Variants in NRG1 observed in about 807,000 individuals in gnomAD.
NRG1 encodes the protein neuregulin 1.
A neutral mutation model predicts 63.8 loss-of-function variants in NRG1; 18 were observed. The ratio of observed to expected loss-of-function variants is 0.28; its 90% CI spans 0.19 to 0.42. NRG1 has a LOEUF of 0.42. NRG1 is among the 10% of genes least tolerant of loss of function. NRG1 has a pLI of 1.00. For missense variants in NRG1, 762 were observed against 814.7 expected, an observed-to-expected ratio of 0.94 and a Z score of 0.79; for synonymous variants, 302 against 301.3, an observed-to-expected ratio of 1.00 and a Z score of -0.02.
chr8:31,706,712 G>T (rs1368041485), intron 1 of NRG1, among the ~76,000 whole-genome samples: 1 of 152,152 alleles, frequency 6.6e-6, no homozygotes, highest in Non-Finnish European at 1.5e-5. Flanking sequence ...AGAGCATGTT[G>T]TCAGCCTTTG....
intron 1 of NRG1, among the ~76,000 whole-genome samples, chr8:32,572,996 G>A (rs1838903012): frequency 6.6e-6 from 1 of 152,052 alleles, no homozygotes; most frequent in Non-Finnish European, 1.5e-5. Flanking sequence ...ATCCCCACTT[G>A]CAAACAATGT....
chr8:31,666,266 A>C (rs752972303), intron 1 of NRG1, among the ~76,000 whole-genome samples: 2 of 152,174 alleles, frequency 1.3e-5, no homozygotes, highest in Non-Finnish European at 2.9e-5. Context: ...TACCTTCTTC[A>C]AGTTATAAGC....
intron 1 of NRG1, among the ~76,000 whole-genome samples, chr8:32,297,130 T>C (rs1266758926): frequency 6.6e-6 from 1 of 152,038 alleles, no homozygotes; most frequent in Non-Finnish European, 1.5e-5. Context: ...AAAAAAATTA[T>C]ATTTATAATT....
chr8:31,680,635 T>C (rs942468144), intron 1 of NRG1, among the ~76,000 whole-genome samples: 3 of 150,988 alleles, frequency 2.0e-5, no homozygotes, highest in Non-Finnish European at 3.0e-5. Flanking sequence ...GCATGATTTA[T>C]AGTCCTTTGG....
chr8:32,744,876 T>G (rs2129042803), intron 7 of NRG1, among the ~76,000 whole-genome samples: 1 of 152,334 alleles, frequency 6.6e-6, no homozygotes, highest in East Asian at 1.9e-4. Context: ...CACTATGTTT[T>G]TGTGAAGTTC....
intron 1 of NRG1, among the ~76,000 whole-genome samples, chr8:32,298,729 AAG>A (rs1491014222): frequency 0.013 from 1,553 of 121,494 alleles, 41 homozygotes; most frequent in African/African-American, 0.045. Context: ...AAAAAAAAAA[AAG>A]AAAAGAAAAG....
At chr8:31,963,076 T>A (rs563387834) in intron 1 of NRG1, among the ~76,000 whole-genome samples, 1 of 152,214 alleles carries the variant, frequency 6.6e-6, no homozygotes, top group Admixed American at 6.5e-5. Flanking sequence ...TAGATCTCCA[T>A]TGAATGTGCT....
intron 1 of NRG1, among the ~76,000 whole-genome samples, chr8:31,673,172 C>T (rs2131010583): frequency 6.6e-6 from 1 of 151,990 alleles, no homozygotes; most frequent in Middle Eastern, 3.4e-3. Flanking sequence ...CTTGCAGATA[C>T]TCAGACATCA....
intron 1 of NRG1, among the ~76,000 whole-genome samples, chr8:31,875,249 C>T (rs571570571): frequency 6.6e-6 from 1 of 152,298 alleles, no homozygotes; most frequent in African/African-American, 2.4e-5. Flanking sequence ...CTTTGAGTCT[C>T]TTTGCCTCAG....
At chr8:32,709,477 T>G (rs1248630523) in intron 5 of NRG1, among the ~76,000 whole-genome samples, 1 of 152,046 alleles carries the variant, frequency 6.6e-6, no homozygotes, top group African/African-American at 2.4e-5. Context: ...TGGAGTACAG[T>G]GGCATGAACT....
At chr8:32,673,885 C>T (rs1342099152) in intron 5 of NRG1, among the ~76,000 whole-genome samples, 1 of 152,158 alleles carries the variant, frequency 6.6e-6, no homozygotes, top group East Asian at 1.9e-4. Context: ...AAACCTTTTA[C>T]TTAGAAATTT....
intron 5 of NRG1, among the ~76,000 whole-genome samples, chr8:32,692,823 T>G (rs1234089828): frequency 6.6e-6 from 1 of 152,156 alleles, no homozygotes; most frequent in Non-Finnish European, 1.5e-5. Flanking sequence ...AGAAACACCC[T>G]CTTTCTCTAC....
intron 1 of NRG1, among the ~76,000 whole-genome samples, chr8:32,326,613 G>T (rs1802060060): frequency 6.6e-6 from 1 of 152,072 alleles, no homozygotes; most frequent in Non-Finnish European, 1.5e-5. Context: ...ACAGGCATGA[G>T]CCACCACGCG....
intron 1 of NRG1, among the ~76,000 whole-genome samples, chr8:32,587,974 G>T (rs934072915): frequency 1.3e-5 from 2 of 152,012 alleles, no homozygotes; most frequent in Admixed American, 1.3e-4. Context: ...TGTCACCCAG[G>T]CTGGAGTGCA....
chr8:31,756,600 T>C (rs1405030607), intron 1 of NRG1, among the ~76,000 whole-genome samples: 2 of 152,174 alleles, frequency 1.3e-5, no homozygotes, highest in African/African-American at 4.8e-5. Flanking sequence ...AGAATATTAG[T>C]GTCTGTTATC....
chr8:32,412,439 TATATATATATATAC>T (rs1377690103), intron 1 of NRG1, among the ~76,000 whole-genome samples: 72 of 45,524 alleles, frequency 1.6e-3, no homozygotes, highest in African/African-American at 4.0e-3. Flanking sequence ...TATATATATA[TATATATATATATAC>T]ATATATATAT....
chr8:32,759,189 A>G, intron 9 of NRG1, 117 bp from the exon 10 acceptor site: 1 of 1,207,270 alleles, frequency 8.3e-7, no homozygotes, highest in Non-Finnish European at 1.1e-6. Flanking sequence ...TCAGCTGTAC[A>G]AAAATAGATT....
rs1826615401 is a variant in NRG1, at chr8:32,742,648, C to T, written c.633-27C>T. On this transcript the variant is annotated intron_variant, in intron 6 of 11. Coordinates refer to ENST00000356819, the Ensembl canonical transcript of NRG1. The surrounding 1 kb of genome is among the most constrained non-coding windows in gnomAD (Gnocchi z 4.2). ...TCTTCTCTTTTTCTCTGTTTTTCTA[C>T]CATTGTTTTTTTGTTTCTTCTCTCA... is the stretch of plus-strand genomic sequence containing the variant. 3 of 1,597,556 alleles carry T rather than the reference C, an allele frequency of 1.9e-6. No individual in the cohort carries two copies. Among genetic ancestry groups the T allele is most frequent in the Non-Finnish European group, 2.6e-6 (3 of 1,165,586 alleles).
intron 1 of NRG1, among the ~76,000 whole-genome samples, chr8:32,312,330 ATTTTTTTTT>A (rs4035492): frequency 5.6e-5 from 5 of 89,170 alleles, no homozygotes; most frequent in South Asian, 3.9e-4. Context: ...TGCCCAGCTA[ATTTTTTTTT>A]TTTTTTTTTT....
Sources: gnomAD v4.1 joint callset for allele counts (sites outside exome capture counted in the v4.1 genomes callset) on GRCh38, gnomAD v4.1.1 for gene constraint, Gnocchi (gnomAD v3.1) non-coding constraint, MANE v1.5 for transcripts, NCBI Gene and HGNC (gene_info 2026-07-23, HGNC 2026-07-21) for gene names.